Variants in SCN8A observed in about 807,000 individuals in gnomAD.
SCN8A encodes sodium channel protein type 8 subunit alpha.
SCN8A carries 30 observed loss-of-function variants against 184.1 expected under a neutral mutation model. The ratio of observed to expected loss-of-function variants is 0.16; its 90% confidence interval spans 0.12 to 0.22. The LOEUF (loss-of-function observed/expected upper bound fraction) is 0.22. Ranked by LOEUF, SCN8A falls within the 10% of genes least tolerant of loss-of-function variation. The pLI is 1.00. For missense variants in SCN8A, 1,057 were observed against 2,498.9 expected (o/e 0.42, Z 12.30); for synonymous variants, 852 against 907.0 (o/e 0.94, Z 1.09).
At chr12:51,723,762 C>T (rs1456913167) in intron 12 of SCN8A, among the ~76,000 whole-genome samples, 2 of 151,902 alleles carry the variant, frequency 1.3e-5, no homozygotes, top group Non-Finnish European at 2.9e-5. Context: ...GCAGGAGAAT[C>T]GCTTGAACCT....
chr12:51,697,470 AT>A (rs942654576), intron 6 of SCN8A, among the ~76,000 whole-genome samples: 2 of 152,190 alleles, frequency 1.3e-5, no homozygotes, highest in African/African-American at 4.8e-5. Context: ...AGAAAATTCT[AT>A]TGGGCTCGAC....
intron 1 of SCN8A, among the ~76,000 whole-genome samples, chr12:51,609,636 T>A (rs1939673127): frequency 6.6e-6 from 1 of 152,154 alleles, no homozygotes. Context: ...ACGCCTGTAA[T>A]CCCAGCACTT....
chr12:51,745,015 A>G (rs1942487466), intron 12 of SCN8A, among the ~76,000 whole-genome samples: 1 of 152,170 alleles, frequency 6.6e-6, no homozygotes, highest in Non-Finnish European at 1.5e-5. Flanking sequence ...TACAGTGAAC[A>G]ACATGGTTAC....
intron 1 of SCN8A, among the ~76,000 whole-genome samples, chr12:51,608,483 C>T (rs117712675): frequency 0.011 from 1,650 of 152,078 alleles, 14 homozygotes; most frequent in Non-Finnish European, 0.016. Flanking sequence ...TGTATTTTTC[C>T]AGCAATTGAT....
chr12:51,733,039 CCTTTATTT>C (rs1942268878), intron 12 of SCN8A, among the ~76,000 whole-genome samples: 1 of 151,948 alleles, frequency 6.6e-6, no homozygotes. Context: ...ATTTGTGTGC[CCTTTATTT>C]CTTTTTCTTG....
chr12:51,766,294 C>G (rs973794580), intron 16 of SCN8A: 1 of 521,318 alleles, frequency 1.9e-6, no homozygotes, highest in African/African-American at 1.9e-5. Context: ...GTGACTTTCC[C>G]AAATAAATAT....
chr12:51,782,595 C>G (rs545094789), intron 21 of SCN8A, among the ~76,000 whole-genome samples: 1 of 152,294 alleles, frequency 6.6e-6, no homozygotes, highest in African/African-American at 2.4e-5. Context: ...CTGAAGAAAT[C>G]CCCCCATCCC....
intron 1 of SCN8A, among the ~76,000 whole-genome samples, chr12:51,642,790 T>TA (rs1940484521): frequency 6.6e-6 from 1 of 151,530 alleles, no homozygotes; most frequent in Admixed American, 6.6e-5. Context: ...GCTACTTGGG[T>TA]AACCCATCTT....
chr12:51,702,598 G>C (rs1289663370), intron 8 of SCN8A, among the ~76,000 whole-genome samples, 175 bp from the exon 9 acceptor site: 2 of 152,182 alleles, frequency 1.3e-5, no homozygotes, highest in Non-Finnish European at 2.9e-5. Context: ...CCAGAAGTTG[G>C]TTAGCTGCTT....
At chr12:51,716,149 C>T (rs1231873704) in intron 11 of SCN8A, among the ~76,000 whole-genome samples, 1 of 147,506 alleles carries the variant, frequency 6.8e-6, no homozygotes, top group East Asian at 2.0e-4. Flanking sequence ...GCCTGGGCAA[C>T]ATGGCGAAAC....
At chr12:51,607,981 G>A (rs1392742912) in intron 1 of SCN8A, among the ~76,000 whole-genome samples, 3 of 151,408 alleles carry the variant, frequency 2.0e-5, no homozygotes, top group Non-Finnish European at 4.4e-5. Context: ...TCTGTCTTGA[G>A]GAATAGTGTC....
chr12:51,648,723 G>T (rs1446310862), intron 1 of SCN8A, among the ~76,000 whole-genome samples: 1 of 152,096 alleles, frequency 6.6e-6, no homozygotes. Context: ...CTCCCACCAG[G>T]TCCCTCCCAC....
chr12:51,622,584 A>G (rs971684458), intron 1 of SCN8A, among the ~76,000 whole-genome samples: 1 of 152,202 alleles, frequency 6.6e-6, no homozygotes, highest in Non-Finnish European at 1.5e-5. Context: ...TGGGAAGACT[A>G]CTACAGAGGT....
chr12:51,641,640 C>T (rs79635271), intron 1 of SCN8A, among the ~76,000 whole-genome samples: 1,534 of 152,302 alleles, frequency 0.01, 12 homozygotes, highest in Non-Finnish European at 0.015. Context: ...GATAGTGTCT[C>T]CTGTAGGCAT....
chr12:51,712,169 A>G (rs1941889088), intron 11 of SCN8A, among the ~76,000 whole-genome samples: 1 of 152,190 alleles, frequency 6.6e-6, no homozygotes, highest in Admixed American at 6.5e-5. Context: ...GAAAAAGAAA[A>G]AGACAAGGCT....
chr12:51,777,251 A>T lies in SCN8A; in HGVS notation c.3819+2889A>T, dbSNP rs532842074. Among the ~76,000 whole-genome samples, 151 of 149,028 alleles carry T rather than the reference A, an allele frequency of 1.0e-3. 2 individuals carry two copies. In the South Asian group the frequency reaches 0.028, roughly 28 times the overall value. ...CTGCAACCATAGATGCCCTGAATTT[A>T]TTTTTTTTTTCATTTTTAAAATTTT... is the stretch of plus-strand genomic sequence containing the variant. On this transcript the variant is annotated intron_variant, in intron 20 of 26. Coordinates refer to ENST00000627620, the MANE Select transcript of SCN8A (RefSeq NM_001330260.2).
At chr12:51,625,791 A>G (rs1202557108) in intron 1 of SCN8A, among the ~76,000 whole-genome samples, 3 of 152,206 alleles carry the variant, frequency 2.0e-5, no homozygotes, top group Non-Finnish European at 4.4e-5. Context: ...GGAGTTTGCT[A>G]TCTAATACGG....
chr12:51,757,036 C>A (rs1942686258), intron 14 of SCN8A, among the ~76,000 whole-genome samples: 2 of 152,180 alleles, frequency 1.3e-5, no homozygotes, highest in Non-Finnish European at 1.5e-5. Context: ...GCTTCTATAG[C>A]CCCATATGGA....
rs1164432709 is a variant in SCN8A, at chr12:51,770,510, C to T, written c.3491-19C>T. On this transcript the variant is annotated intron_variant, in intron 18 of 26. Coordinates refer to ENST00000627620, the MANE Select transcript of SCN8A (RefSeq NM_001330260.2). ...GGGCACGTTTCCACGGTCTGACCCG[C>T]CTCTCCCGCTGGTGCCAGGTTGTGT... 1 of 1,569,750 alleles carries T rather than the reference C, an allele frequency of 6.4e-7. No individual in the cohort carries two copies. The highest frequency in any genetic ancestry group is 1.2e-5 in the South Asian group (1 of 84,828).
Sources: gnomAD v4.1 joint callset for allele counts (sites outside exome capture counted in the v4.1 genomes callset) on GRCh38, gnomAD v4.1.1 for gene constraint, MANE v1.5 for transcripts, NCBI Gene and HGNC (gene_info 2026-07-23, HGNC 2026-07-21) for gene names.